The following EFHD1 variants were observed in gnomAD, a reference collection of about 807,000 sequenced individuals.
EFHD1 encodes EF-hand domain-containing protein D1.
A neutral mutation model predicts 17.2 loss-of-function variants in EFHD1; 10 were observed. The observed-to-expected ratio is 0.58, with a 90% CI of 0.36 to 0.99. EFHD1 has a LOEUF of 0.99. Ranked by LOEUF, EFHD1 falls within the 50% of genes least tolerant of loss-of-function variation. The pLI is 0.01. For missense variants in EFHD1, 310 were observed against 327.5 expected (o/e 0.95, Z 0.41); for synonymous variants, 153 against 142.0 (o/e 1.08, Z -0.55).
At chr2:232,620,304 C>T (rs1343954191) in intron 1 of EFHD1, among the ~76,000 whole-genome samples, 1 of 149,264 alleles carries the variant, frequency 6.7e-6, no homozygotes, top group African/African-American at 2.5e-5. Context: ...AGGAGAATGG[C>T]GTGAACCCGG....
chr2:232,671,332 A>G (rs908163316), intron 2 of EFHD1, among the ~76,000 whole-genome samples: 10 of 151,864 alleles, frequency 6.6e-5, no homozygotes, highest in Admixed American at 2.0e-4. Context: ...CCAGCTACTC[A>G]GGAATCAGAG....
chr2:232,642,750 GCAGCTGTTCCCGAGGGTCACCTC>G (rs1396045540), intron 1 of EFHD1, among the ~76,000 whole-genome samples: 6 of 151,700 alleles, frequency 4.0e-5, no homozygotes, highest in Non-Finnish European at 7.4e-5. Flanking sequence ...AGGGTCACCT[GCAGCTGTTCCCGAGGGTCACCTC>G]CAGCTGTTCC....
At chr2:232,651,230 GCAT>G (rs1434309558) in intron 1 of EFHD1, among the ~76,000 whole-genome samples, 1 of 152,198 alleles carries the variant, frequency 6.6e-6, no homozygotes, top group Non-Finnish European at 1.5e-5. Flanking sequence ...GCTGGGAAGG[GCAT>G]CTCTGCCCAG....
At chr2:232,641,953 G>A (rs755239121) in intron 1 of EFHD1, among the ~76,000 whole-genome samples, 3 of 152,176 alleles carry the variant, frequency 2.0e-5, no homozygotes, top group Non-Finnish European at 4.4e-5. Flanking sequence ...CTTCTTCTGC[G>A]GGCTGAGGAA....
chr2:232,627,266 A>AT (rs1054904659), intron 1 of EFHD1, among the ~76,000 whole-genome samples: 3 of 151,486 alleles, frequency 2.0e-5, no homozygotes, highest in Non-Finnish European at 2.9e-5. Context: ...AAAAACTAGA[A>AT]TTTTGGAAAA....
rs78208368 is a variant in EFHD1 at position 232,625,419 on chromosome 2, C to T, written c.14+19246C>T. On this transcript the variant is annotated intron_variant, in intron 1 of 3. Transcript: ENST00000409613. ...CCTCCCAAAGTGCAGGGCAAGCCAC[C>T]GTACCCGGTCTGACTTCCTATTTGT... 4.8e-3 allele frequency among the ~76,000 whole-genome samples: 736 copies of T among 152,204 alleles called. 25 individuals are homozygous for T. The East Asian group carries it at 0.076, about 16-fold the overall frequency.
rs1399803436 is a variant in EFHD1 at position 232,633,904 on chromosome 2, A to G, written c.200A>G (p.Glu67Gly). ...CTGAGCCGGCGGCTGGACATCAACG[A>G]GGGCGCTGCGCGGCCCCGGCGCTGC... ...AQLSRRLDIN[E>G]GAARPRRCRV... The change falls in exon 1 of 4, where the codon GAG (glutamate) becomes GGG (glycine). Residue 67 changes from glutamate (E) to glycine (G), a missense_variant. Transcript: ENST00000264059. The G allele has an allele frequency of 1.9e-6, 3 of 1,577,228 alleles. No homozygotes were observed. The highest frequency in any genetic ancestry group is 2.6e-6 in the Non-Finnish European group (3 of 1,171,286).
intron 1 of EFHD1, among the ~76,000 whole-genome samples, chr2:232,637,142 C>A (rs975149312): frequency 6.6e-6 from 1 of 152,180 alleles, no homozygotes; most frequent in Non-Finnish European, 1.5e-5. Context: ...AGAAGTCTGA[C>A]AAGTCTGAAA....
chr2:232,621,609 T>A (rs757415278), intron 1 of EFHD1, among the ~76,000 whole-genome samples: 1 of 152,098 alleles, frequency 6.6e-6, no homozygotes. Context: ...CCCGCCACCA[T>A]GCCCGGCTAA....
At chr2:232,668,510 T>G (rs953134111) in intron 2 of EFHD1, among the ~76,000 whole-genome samples, 4 of 152,124 alleles carry the variant, frequency 2.6e-5, no homozygotes, top group African/African-American at 9.7e-5. Context: ...AACTGTCATC[T>G]CCACTCTGGA....
chr2:232,646,037 A>G (rs567559457), intron 1 of EFHD1, among the ~76,000 whole-genome samples: 2 of 152,252 alleles, frequency 1.3e-5, no homozygotes, highest in South Asian at 2.1e-4. Context: ...TCCAGGCCCT[A>G]TTGGACCACC....
chr2:232,666,906 A>G (rs545418577), intron 2 of EFHD1, among the ~76,000 whole-genome samples: 46 of 152,332 alleles, frequency 3.0e-4, no homozygotes, highest in African/African-American at 9.1e-4. Flanking sequence ...GGCTCAGTCT[A>G]CTACACAAAG....
intron 1 of EFHD1, among the ~76,000 whole-genome samples, chr2:232,620,465 A>C (rs1234724926): frequency 3.3e-5 from 5 of 150,286 alleles, no homozygotes; most frequent in Middle Eastern, 3.2e-3. Flanking sequence ...AGCTCATCAC[A>C]GTCTTGAACT....
rs1694992592 is a variant in EFHD1 at position 232,667,629 on chromosome 2, T to G, written c.450+4680T>G. 2.6e-5 allele frequency among the ~76,000 whole-genome samples: 4 copies of G among 152,284 alleles called. No homozygotes were observed. In the South Asian group the frequency reaches 8.3e-4, roughly 32 times the overall value. ...GTGCAATGGTGCAATCTCACCTCAC[T>G]GCAACCTCCGCCTCCCGGGTTCAAA... is the stretch of plus-strand genomic sequence containing the variant. On this transcript the variant is annotated intron_variant, in intron 2 of 3. Coordinates refer to ENST00000264059, the MANE Select transcript of EFHD1 (RefSeq NM_025202.4).
At chr2:232,639,303 A>G (rs879518825) in intron 1 of EFHD1, among the ~76,000 whole-genome samples, 1 of 152,186 alleles carries the variant, frequency 6.6e-6, no homozygotes, top group Admixed American at 6.5e-5. Context: ...TCTCCCTTGC[A>G]GGATTATTAA....
chr2:232,636,401 G>A (rs919794969), intron 1 of EFHD1, among the ~76,000 whole-genome samples: 10 of 152,306 alleles, frequency 6.6e-5, no homozygotes, highest in Admixed American at 3.3e-4. Flanking sequence ...GACCTGCCAT[G>A]TGGGGTTATT....
chr2:232,614,054 A>G (rs1318046222), intron 1 of EFHD1, among the ~76,000 whole-genome samples: 1 of 109,090 alleles, frequency 9.2e-6, no homozygotes, highest in African/African-American at 3.0e-5. Flanking sequence ...ACACACACAT[A>G]CATACACATG....
chr2:232,673,331 C>T (rs987382935), intron 3 of EFHD1, among the ~76,000 whole-genome samples: 7 of 152,114 alleles, frequency 4.6e-5, no homozygotes, highest in Non-Finnish European at 1.0e-4. Context: ...GTTGAGAGCC[C>T]GAGCTTAGCA....
At chr2:232,660,205 T>TA (rs1274737473) in intron 1 of EFHD1, among the ~76,000 whole-genome samples, 6 of 14,322 alleles carry the variant, frequency 4.2e-4, no homozygotes, top group South Asian at 4.0e-3. Context: ...TTTATTTATT[T>TA]TTTTTTTGAG....
Sources: allele counts gnomAD v4.1 joint callset (sites outside exome capture counted in the v4.1 genomes callset), GRCh38; gene constraint gnomAD v4.1.1; transcripts MANE v1.5; gene names NCBI Gene and HGNC (gene_info 2026-07-23, HGNC 2026-07-21).